The following MYH14 variants were observed in gnomAD, a reference collection of about 807,000 sequenced individuals.
MYH14 encodes the protein myosin-14.
Under a neutral mutation model 255.5 loss-of-function variants are expected in MYH14, and 123 were observed. That is an observed-to-expected ratio of 0.48 (90% CI 0.42 to 0.56). The LOEUF (loss-of-function observed/expected upper bound fraction) is 0.56. Among genes scored for constraint, MYH14 ranks in the 20% least tolerant of loss-of-function variants. The pLI, the probability that MYH14 is intolerant of heterozygous loss-of-function variation, is 0.00. For missense variants in MYH14, 2,423 were observed against 2,802.3 expected (o/e 0.86, Z 3.06); for synonymous variants, 1,095 against 1,161.2 (o/e 0.94, Z 1.16).
At chr19:50,295,092 G>A (rs1005354674) in intron 39 of MYH14, among the ~76,000 whole-genome samples, 2 of 151,260 alleles carry the variant, frequency 1.3e-5, no homozygotes, top group South Asian at 2.1e-4. Flanking sequence ...TTGGGAGGCC[G>A]AGGCGGGCAG....
At chr19:50,268,390 C>A (rs866338416) in intron 24 of MYH14, 23 bp downstream of exon 24, 18 of 1,548,668 alleles carry the variant, frequency 1.2e-5, no homozygotes, top group Non-Finnish European at 1.6e-5. Context: ...GCATGCCCAC[C>A]AGGCCACCCT....
intron 24 of MYH14, among the ~76,000 whole-genome samples, chr19:50,268,579 T>G (rs949802595): frequency 1.4e-4 from 22 of 152,192 alleles, no homozygotes; most frequent in South Asian, 2.1e-4. Context: ...GGCATCCAAG[T>G]GATATGTTCA....
rs918955750 is a variant in MYH14 at position 50,252,808 on chromosome 19, A to G, written c.1945+55A>G. The G allele has an allele frequency of 2.3e-6, 3 of 1,290,714 alleles. No individual in the cohort carries two copies. The highest frequency in any genetic ancestry group is 2.5e-5 in the East Asian group (1 of 39,448). 80.0% of individuals were successfully genotyped at this position (1,290,714 alleles called of 1,614,324 possible). A position where few individuals can be genotyped will look rare whatever the true frequency, so the allele number is the denominator to read the frequency against. On this transcript the variant is annotated intron_variant, in intron 16 of 42. Transcript: ENST00000642316. This position sits in a 1 kb window ranked among gnomAD's most constrained non-coding sequence, Gnocchi z 4.2. The stretch of plus-strand genomic sequence containing the variant: ...TAGGGGTCTGTGCGGCCATTCTCCA[A>G]ATCCACAGCGTGAGCACCTTTGTTT...
At chr19:50,286,419 T>C in intron 33 of MYH14, 63 bp from the exon 34 acceptor site, 2 of 1,470,178 alleles carry the variant, frequency 1.4e-6, no homozygotes, top group Non-Finnish European at 1.8e-6. Context: ...CCTCTTCCCG[T>C]TCCCTTGTAC....
chr19:50,306,988 A>G (rs2123491719), intron 40 of MYH14, 61 bp from the exon 41 acceptor site: 4 of 1,228,502 alleles, frequency 3.3e-6, no homozygotes, highest in Admixed American at 2.0e-5. Flanking sequence ...GCATGAGTCT[A>G]TGGGGACAAA....
chr19:50,254,116 C>T (rs1434260667), intron 16 of MYH14, among the ~76,000 whole-genome samples: 2 of 151,112 alleles, frequency 1.3e-5, no homozygotes, highest in Admixed American at 6.6e-5. Flanking sequence ...ACTCGGGGGG[C>T]TGAGGCAGGG....
intron 7 of MYH14, among the ~76,000 whole-genome samples, 165 bp downstream of exon 7, chr19:50,225,842 G>A (rs553815393): frequency 1.0e-4 from 14 of 136,646 alleles, no homozygotes; most frequent in African/African-American, 3.7e-4. Context: ...TGGACCCCTG[G>A]GTCTGAGGGA....
Position 50,250,625 on chromosome 19 carries a change from G to A in MYH14, c.1767G>A (p.Lys589=). 1.9e-6 allele frequency: 3 copies of A among 1,614,042 alleles called. No individual in the cohort carries two copies. Among genetic ancestry groups the A allele is most frequent in the Non-Finnish European group, 2.5e-6 (3 of 1,179,906 alleles). The part of the protein sequence containing the change: ...KVAQEQGGHP[K]FQRPRHLRDQ... ...CCCAGGAGCAGGGCGGCCACCCCAA[G>A]TTCCAGCGGCCGAGGCACCTGCGGG... The change falls in exon 15 of 43, where the codon AAG becomes AAA. Residue 589 remains lysine (K), a synonymous_variant. Coordinates refer to ENST00000642316, the MANE Select transcript of MYH14 (RefSeq NM_001145809.2). The surrounding 1 kb of genome is among the most constrained non-coding windows in gnomAD (Gnocchi z 5.4).
rs1568500510 is a variant in MYH14 at position 50,251,527 on chromosome 19, C to CT, written c.1830+839_1830+840insT. ...CACATATATATATACACACTACACA[C>CT]ACACACACACACACACACACACACA... On this transcript the variant is annotated intron_variant, in intron 15 of 42. Transcript: ENST00000642316. 3.2e-3 allele frequency among the ~76,000 whole-genome samples: 71 copies of CT among 22,240 alleles called. No homozygotes were observed. The South Asian group carries it at 0.043, about 14-fold the overall frequency. The allele number at this position is 22,240 out of a possible 152,430, so 14.6% of individuals were successfully genotyped here. A position where few individuals can be genotyped will look rare whatever the true frequency, so the allele number is the denominator to read the frequency against.
Position 50,276,173 on chromosome 19 carries a change from T to G in MYH14, c.3650T>G (p.Leu1217Arg), listed in dbSNP as rs1467744203. Residue 1217 changes from leucine (L) to arginine (R), a missense_variant, in exon 28 of 43, where the codon CTG (leucine) becomes CGG (arginine). Leu to Arg is a moderately radical substitution (Grantham distance 102). This residue lies in a region of MYH14 where 1,513 missense variants were observed against 1,674.8 expected (regional missense o/e 0.90). Coordinates refer to ENST00000642316, the MANE Select transcript of MYH14 (RefSeq NM_001145809.2). The surrounding 1 kb of genome is among the most constrained non-coding windows in gnomAD (Gnocchi z 4.3). ...EALRGELEDT[L>R]DSTNAQQELR... ...CTGCGGGGCGAGCTGGAGGACACGC[T>G]GGACTCCACCAACGCACAGCAGGAG... is the stretch of plus-strand genomic sequence containing the variant. The G allele has an allele frequency of 6.4e-7, 1 of 1,554,116 alleles. No homozygotes were observed. The highest frequency in any genetic ancestry group is 8.7e-7 in the Non-Finnish European group (1 of 1,150,480).
chr19:50,213,409 C>T lies in MYH14; in HGVS notation c.405+2639C>T, dbSNP rs146537872. On this transcript the variant is annotated intron_variant, in intron 2 of 42. Coordinates refer to ENST00000642316, the MANE Select transcript of MYH14 (RefSeq NM_001145809.2). Reference sequence around the variant, plus strand: ...GAACCAGCTAAGCTAGAACTTGAAACCAGGTCACTGTGACTGCAGACCCCA... The same window carrying T: ...GAACCAGCTAAGCTAGAACTTGAAATCAGGTCACTGTGACTGCAGACCCCA... Among the ~76,000 whole-genome samples, 1,146 of 152,278 alleles carry T rather than the reference C, an allele frequency of 7.5e-3. 18 individuals carry two copies. Among genetic ancestry groups the T allele is most frequent in the African/African-American group, 0.026 (1,080 of 41,548 alleles).
chr19:50,308,088 A>C (rs1452994418), intron 41 of MYH14, among the ~76,000 whole-genome samples: 1 of 152,260 alleles, frequency 6.6e-6, no homozygotes, highest in Non-Finnish European at 1.5e-5. Flanking sequence ...AGAGGAAGAC[A>C]CAGAGGATTG....
intron 1 of MYH14, among the ~76,000 whole-genome samples, chr19:50,208,040 C>T (rs1360530714): frequency 6.6e-6 from 1 of 152,186 alleles, no homozygotes; most frequent in African/African-American, 2.4e-5. Context: ...CCCTGGCCAC[C>T]CTAATGAAAA....
Position 50,263,450 on chromosome 19 carries a change from T to C in MYH14, c.2694+30T>C, listed in dbSNP as rs1529492. ...GGGCAGCCTGGGGAGGTGGCCCCAG[T>C]AGGGAGAGGATAGGGCCTTGGGGCT... On this transcript the variant is annotated intron_variant, in intron 22 of 42. Coordinates refer to ENST00000642316, the MANE Select transcript of MYH14 (RefSeq NM_001145809.2). 0.75 allele frequency: 1,152,903 copies of C among 1,532,032 alleles called. 434,876 individuals are homozygous for C. The highest frequency in any genetic ancestry group is 0.87 in the East Asian group (35,901 of 41,458). The allele number at this position is 1,532,032 out of a possible 1,614,324, so 94.9% of individuals were successfully genotyped here.
In MYH14 at chr19:50,309,644, G is replaced by A. The variant is rs1409838865; in HGVS notation, c.5965G>A (p.Gly1989Ser). 10 of 1,497,024 alleles carry A rather than the reference G, an allele frequency of 6.7e-6. No individual in the cohort carries two copies. The highest frequency in any genetic ancestry group is 1.1e-5 in the South Asian group (1 of 88,158). 92.7% of individuals were successfully genotyped at this position (1,497,024 alleles called of 1,614,324 possible). ...VTTLRNRLRR[G>S]PLTFTTRTVR... ...CCTGGTCTCTCCTCCCCACAGACGC[G>A]GCCCCCTCACCTTCACCACCCGCAC... The change falls in exon 43 of 43, where the codon GGC becomes AGC. Residue 1989 changes from glycine to serine, a missense_variant. By Grantham distance (56) the Gly-to-Ser change is moderately conservative (BLOSUM62 0). Coordinates refer to ENST00000642316, the MANE Select transcript of MYH14 (RefSeq NM_001145809.2).
rs369518939 is a variant in MYH14 at position 50,250,508 on chromosome 19, T to C, written c.1657-7T>C. 1.6e-5 allele frequency: 25 copies of C among 1,611,740 alleles called. No individual in the cohort carries two copies. Among genetic ancestry groups the C allele is most frequent in the Non-Finnish European group, 2.0e-5 (24 of 1,179,038 alleles). On this transcript the variant is annotated splice_region_variant and splice_polypyrimidine_tract_variant and intron_variant, in intron 14 of 42. Transcript: ENST00000642316. This position sits in a 1 kb window ranked among gnomAD's most constrained non-coding sequence, Gnocchi z 5.4. Reference sequence around the variant, plus strand: ...TGACTTACTCTCCCCCTGCTGTCAATGGCCAGGCCAACCCCCCTGGACTCC... The same window carrying C: ...TGACTTACTCTCCCCCTGCTGTCAACGGCCAGGCCAACCCCCCTGGACTCC...
intron 33 of MYH14, 72 bp from the exon 34 acceptor site, chr19:50,286,410 C>T: frequency 7.1e-7 from 1 of 1,402,484 alleles, no homozygotes; most frequent in African/African-American, 1.4e-5. Flanking sequence ...TGGCTGCTCC[C>T]TCTTCCCGTT....
chr19:50,222,391 A>C (rs2032874590), intron 3 of MYH14, among the ~76,000 whole-genome samples: 1 of 150,140 alleles, frequency 6.7e-6, no homozygotes, highest in Admixed American at 6.7e-5. Flanking sequence ...GAGGCAGGAG[A>C]ATGGCGTGAA....
intron 22 of MYH14, among the ~76,000 whole-genome samples, chr19:50,265,436 C>G (rs909746054): frequency 6.6e-6 from 1 of 152,012 alleles, no homozygotes; most frequent in African/African-American, 2.4e-5. Flanking sequence ...TGCTTAAGCC[C>G]AGGAGTATGA....
Sources: allele counts gnomAD v4.1 joint callset (sites outside exome capture counted in the v4.1 genomes callset), GRCh38; gene constraint gnomAD v4.1.1; regional missense constraint gnomAD v4.1.1; non-coding constraint Gnocchi (gnomAD v3.1); transcripts MANE v1.5; gene names NCBI Gene and HGNC (gene_info 2026-07-23, HGNC 2026-07-21).